The following IRAG1 variants were observed in gnomAD, a reference collection of about 807,000 sequenced individuals.
IRAG1 encodes IP3R-associated cGMP kinase substrate.
A neutral mutation model predicts 106.2 loss-of-function variants in IRAG1; 62 were observed. That is an observed-to-expected ratio of 0.58 (90% CI 0.48 to 0.72). The LOEUF is 0.72. Ranked by LOEUF, IRAG1 falls within the 30% of genes least tolerant of loss-of-function variation. IRAG1 has a pLI of 0.00. For synonymous variants in IRAG1, 462 were observed against 443.9 expected (o/e 1.04, Z -0.51); for missense variants, 1,064 against 1,140.7 (o/e 0.93, Z 0.97).
At chr11:10,604,614 C>T (rs2134350074) in intron 12 of IRAG1, 69 bp from the exon 13 acceptor site, 1 of 1,585,326 alleles carries the variant, frequency 6.3e-7, no homozygotes, top group East Asian at 2.2e-5. Context: ...TGCAGCTGTG[C>T]TCCTTGCACG....
At chr11:10,599,417 C>T (rs974444061) in intron 15 of IRAG1, among the ~76,000 whole-genome samples, 2 of 152,180 alleles carry the variant, frequency 1.3e-5, no homozygotes, top group African/African-American at 4.8e-5. Flanking sequence ...GGAGTCCACG[C>T]ATTAGGATTC....
In IRAG1 at chr11:10,581,747, C is replaced by A. The variant is rs919927089; in HGVS notation, c.2360+120G>T. The A allele has an allele frequency of 3.2e-6, 4 of 1,241,866 alleles. No individual in the cohort carries two copies. In the African/African-American group the frequency reaches 4.6e-5, roughly 14 times the overall value. 76.9% of individuals were successfully genotyped at this position (1,241,866 alleles called of 1,614,324 possible). ...TTTCCTATGTAGTTCCTTCCTGTGG[C>A]AAGGAGGTCCTGCGGCCACTGGTTA... On this transcript the variant is annotated intron_variant, in intron 19 of 20. Transcript: ENST00000423302.
intron 15 of IRAG1, among the ~76,000 whole-genome samples, chr11:10,598,606 T>C (rs1853592168): frequency 6.6e-6 from 1 of 152,184 alleles, no homozygotes; most frequent in South Asian, 2.1e-4. Flanking sequence ...ATCAAAGTCA[T>C]GGATATTTAC....
At chr11:10,599,818 G>C (rs1192598285) in intron 15 of IRAG1, 1 of 152,190 alleles carries the variant, frequency 6.6e-6, no homozygotes, top group Non-Finnish European at 1.5e-5. Flanking sequence ...GACTGAGAAA[G>C]AGCCTCCTAC....
At chr11:10,650,839 G>A (rs1282618150) in intron 2 of IRAG1, among the ~76,000 whole-genome samples, 1 of 152,330 alleles carries the variant, frequency 6.6e-6, no homozygotes, top group African/African-American at 2.4e-5. Context: ...AGGCTGCCAA[G>A]TTCTGCAACA....
chr11:10,670,845 G>A (rs1346384987), intron 1 of IRAG1, among the ~76,000 whole-genome samples: 4 of 152,220 alleles, frequency 2.6e-5, no homozygotes, highest in African/African-American at 9.7e-5. Flanking sequence ...CCATCTATAA[G>A]CAAGGAGAGA....
intron 1 of IRAG1, among the ~76,000 whole-genome samples, chr11:10,674,228 T>C (rs1860471124): frequency 6.6e-6 from 1 of 152,190 alleles, no homozygotes; most frequent in African/African-American, 2.4e-5. Context: ...TAATTCAAGA[T>C]GCTCCAGAAG....
rs77719307 is a variant in IRAG1 at position 10,661,026 on chromosome 11, T to C, written c.68-8844A>G. ...CATAATGATACCAGAGCAGTCTGTCTGAAACACAAATTGGATCATCCTTCC... is the reference window on the plus strand; with the variant it reads ...CATAATGATACCAGAGCAGTCTGTCCGAAACACAAATTGGATCATCCTTCC... On this transcript the variant is annotated intron_variant, in intron 1 of 20. Coordinates refer to ENST00000423302, the MANE Select transcript of IRAG1 (RefSeq NM_130385.4). Among the ~76,000 whole-genome samples, 288 of 152,308 alleles carry C rather than the reference T, an allele frequency of 1.9e-3. 1 individual carries two copies. Among genetic ancestry groups the C allele is most frequent in the African/African-American group, 6.8e-3 (281 of 41,572 alleles).
intron 11 of IRAG1, among the ~76,000 whole-genome samples, chr11:10,607,186 A>G (rs745379925): frequency 2.0e-5 from 3 of 152,210 alleles, no homozygotes; most frequent in Non-Finnish European, 2.9e-5. Flanking sequence ...GAAATAAGAA[A>G]ATGCATGTGA....
intron 1 of IRAG1, among the ~76,000 whole-genome samples, chr11:10,680,929 C>T (rs1861206105): frequency 6.6e-6 from 1 of 152,100 alleles, no homozygotes; most frequent in African/African-American, 2.4e-5. Flanking sequence ...CCAGATAATT[C>T]ATGAAAGATT....
chr11:10,625,870 G>C, intron 9 of IRAG1, 96 bp downstream of exon 9: 1 of 1,229,552 alleles, frequency 8.1e-7, no homozygotes, highest in Non-Finnish European at 1.0e-6. Context: ...CCAGGCCAGA[G>C]CTGCCCTGGC....
chr11:10,577,701 T>G (rs1564885743), intron 20 of IRAG1, among the ~76,000 whole-genome samples: 1 of 152,138 alleles, frequency 6.6e-6, no homozygotes, highest in Non-Finnish European at 1.5e-5. Context: ...AATGCATGAC[T>G]AACAAAGGAT....
chr11:10,658,839 G>C (rs1366184765), intron 1 of IRAG1, among the ~76,000 whole-genome samples: 1 of 150,430 alleles, frequency 6.6e-6, no homozygotes, highest in African/African-American at 2.5e-5. Flanking sequence ...CCATGTCTGT[G>C]CTGTGCTCAC....
At chr11:10,671,717 C>CAAA (rs1860238966) in intron 1 of IRAG1, among the ~76,000 whole-genome samples, 1 of 133,420 alleles carries the variant, frequency 7.5e-6, no homozygotes, top group African/African-American at 3.2e-5. Context: ...GTCTTAAAAA[C>CAAA]AACAACAACA....
chr11:10,627,545 G>T (rs1488303870), intron 8 of IRAG1, among the ~76,000 whole-genome samples, 171 bp downstream of exon 8: 1 of 151,390 alleles, frequency 6.6e-6, no homozygotes, highest in African/African-American at 2.4e-5. Context: ...CTCCACCTTA[G>T]ACTTCTAGTC....
chr11:10,686,295 G>T (rs1267769415), intron 1 of IRAG1, among the ~76,000 whole-genome samples: 2 of 152,174 alleles, frequency 1.3e-5, no homozygotes, highest in African/African-American at 4.8e-5. Context: ...TGAACAGACT[G>T]GGTGACCTCG....
chr11:10,616,100 T>C (rs1855395442), intron 10 of IRAG1, among the ~76,000 whole-genome samples: 1 of 151,062 alleles, frequency 6.6e-6, no homozygotes, highest in Admixed American at 6.6e-5. Context: ...GGTCAGGACA[T>C]CGAGACCATC....
At chr11:10,687,009 A>G (rs1302610162) in intron 1 of IRAG1, among the ~76,000 whole-genome samples, 1 of 152,250 alleles carries the variant, frequency 6.6e-6, no homozygotes, top group African/African-American at 2.4e-5. Context: ...ATCGCCGCAG[A>G]AACTTCTAGT....
intron 2 of IRAG1, among the ~76,000 whole-genome samples, chr11:10,643,690 C>A (rs1857718705): frequency 6.6e-6 from 1 of 152,236 alleles, no homozygotes; most frequent in South Asian, 2.1e-4. Context: ...ATTATCTACC[C>A]AACCTATCAC....
Sources: gnomAD v4.1 joint callset for allele counts (sites outside exome capture counted in the v4.1 genomes callset) on GRCh38, gnomAD v4.1.1 for gene constraint, MANE v1.5 for transcripts, NCBI Gene and HGNC (gene_info 2026-07-23, HGNC 2026-07-21) for gene names.